The following COL14A1 variants were observed in gnomAD, a reference collection of about 807,000 sequenced individuals.
COL14A1 encodes the protein collagen alpha-1(XIV) chain.
Under a neutral mutation model 230.3 loss-of-function variants are expected in COL14A1, and 136 were observed. The observed-to-expected ratio is 0.59, with a 90% CI of 0.51 to 0.68. COL14A1 has a LOEUF of 0.68. Among genes scored for constraint, COL14A1 ranks in the 30% least tolerant of loss-of-function variants. The probability of loss-of-function intolerance (pLI) is 0.00; values close to 1 mark genes in which losing one functional copy is unlikely to be tolerated. For synonymous variants in COL14A1, 792 were observed against 784.1 expected (o/e 1.01, Z -0.17); for missense variants, 1,976 against 2,215.8 (o/e 0.89, Z 2.17).
At position 120,156,709 on chromosome 8, in the gene COL14A1, T is replaced by C. The variant is rs552543768; in HGVS notation, c.89-1421T>C. On this transcript the variant is annotated intron_variant, in intron 2 of 47. Transcript: ENST00000297848. ...TTATTGACTCCCTATTATAATGCAT[T>C]ATATTCATGATATCCATTATCCTAT... Among the ~76,000 whole-genome samples the C allele has an allele frequency of 2.0e-5, 3 of 152,318 alleles. No homozygotes were observed. In the South Asian group the frequency reaches 6.2e-4, roughly 32 times the overall value.
chr8:120,192,031 T>C (rs925272285), intron 5 of COL14A1, among the ~76,000 whole-genome samples: 11 of 151,640 alleles, frequency 7.3e-5, no homozygotes, highest in African/African-American at 2.7e-4. Flanking sequence ...AATTGGAGCA[T>C]TTAGTCCATT....
At chr8:120,245,144 C>T (rs1190531129) in intron 20 of COL14A1, among the ~76,000 whole-genome samples, 1 of 152,226 alleles carries the variant, frequency 6.6e-6, no homozygotes. Context: ...CTCAATGTCA[C>T]CTCCTCAGCC....
rs35415380 is a variant in COL14A1, at chr8:120,332,801, T to C, written c.4785+66T>C. The C allele has an allele frequency of 9.2e-3, 11,653 of 1,270,254 alleles. 96 individuals carry two copies. Among genetic ancestry groups the C allele is most frequent in the Non-Finnish European group, 9.6e-3 (8,609 of 896,200 alleles). 78.7% of individuals were successfully genotyped at this position (1,270,254 alleles called of 1,614,324 possible). ...CATCACGTTTATTTATGTGTTTAAA[T>C]TTACCAGCCTTTCTGTTAGTCAGAA... On this transcript the variant is annotated intron_variant, in intron 42 of 47. Transcript: ENST00000297848.
intron 45 of COL14A1, 129 bp from the exon 46 acceptor site, chr8:120,367,042 C>T (rs994472390): frequency 1.3e-5 from 8 of 628,692 alleles, no homozygotes; most frequent in Middle Eastern, 4.3e-4. Flanking sequence ...TCCCATGGTA[C>T]TCATAACCCC....
intron 1 of COL14A1, among the ~76,000 whole-genome samples, chr8:120,137,878 G>A (rs1377095814): frequency 6.6e-6 from 1 of 151,864 alleles, no homozygotes; most frequent in South Asian, 2.1e-4. Context: ...AAAATGCTGG[G>A]ATTATGGGTG....
intron 30 of COL14A1, 50 bp from the exon 31 acceptor site, chr8:120,280,871 G>C (rs773262193): frequency 9.5e-6 from 14 of 1,472,476 alleles, no homozygotes; most frequent in Non-Finnish European, 1.3e-5. Context: ...AAATTCTAAA[G>C]TGCCATATTC....
At chr8:120,182,385 A>G (rs2130644844) in intron 5 of COL14A1, among the ~76,000 whole-genome samples, 1 of 152,268 alleles carries the variant, frequency 6.6e-6, no homozygotes, top group Non-Finnish European at 1.5e-5. Flanking sequence ...CTGTTGTCAA[A>G]TTAAGCGATG....
intron 5 of COL14A1, among the ~76,000 whole-genome samples, chr8:120,188,783 A>G (rs1031336750): frequency 6.6e-6 from 1 of 152,246 alleles, no homozygotes; most frequent in African/African-American, 2.4e-5. Context: ...TATTTTACAA[A>G]TTAATTTGGA....
Position 120,300,760 on chromosome 8 carries a change from C to G in COL14A1, c.4343C>G (p.Pro1448Arg), listed in dbSNP as rs1244982131. The G allele has an allele frequency of 1.2e-6, 2 of 1,613,564 alleles. No individual in the cohort carries two copies. Among genetic ancestry groups the G allele is most frequent in the East Asian group, 2.2e-5 (1 of 44,870 alleles). The change falls in exon 36 of 48, where the codon CCC becomes CGC. Residue 1448 changes from proline (P) to arginine (R), a missense_variant. Around this residue, in one of 3 missense-constraint regions of COL14A1, gnomAD observed 1,791 missense variants for 2,019.5 expected, o/e 0.89. Transcript: ENST00000297848. ...LRDDESCPDL[P>R]HSCSCSETNE... ...GATGATGAGTCTTGCCCAGACCTTC[C>G]CCATTCCTGCTCCTGTTCTGAAACC... is the stretch of plus-strand genomic sequence containing the variant.
chr8:120,190,564 C>T (rs1021218016), intron 5 of COL14A1, among the ~76,000 whole-genome samples: 8 of 152,118 alleles, frequency 5.3e-5, no homozygotes, highest in African/African-American at 1.9e-4. Flanking sequence ...CTTGCCCATG[C>T]CTGTGTCCTG....
intron 21 of COL14A1, among the ~76,000 whole-genome samples, chr8:120,248,774 G>C (rs1818838508): frequency 6.6e-6 from 1 of 152,024 alleles, no homozygotes; most frequent in African/African-American, 2.4e-5. Context: ...AAAATTGCCT[G>C]AGCCAGATAA....
chr8:120,278,912 G>A (rs10092516), intron 28 of COL14A1, among the ~76,000 whole-genome samples: 94,433 of 151,294 alleles, frequency 0.62, 29,843 homozygotes, highest in African/African-American at 0.73. Flanking sequence ...AATGTCCATC[G>A]ATGACAGACT....
intron 3 of COL14A1, 117 bp from the exon 4 acceptor site, chr8:120,162,309 C>T (rs1387116633): frequency 2.7e-6 from 2 of 737,710 alleles, no homozygotes; most frequent in East Asian, 2.9e-5. Flanking sequence ...TACAATAAAA[C>T]ACATTTCAAA....
chr8:120,344,683 C>T (rs1563393), intron 44 of COL14A1, among the ~76,000 whole-genome samples: 81,383 of 152,134 alleles, frequency 0.53, 23,276 homozygotes, highest in African/African-American at 0.76. Context: ...GGATAAATAA[C>T]AGTAAACTAG....
At chr8:120,288,461 A>G (rs1820275744) in intron 33 of COL14A1, among the ~76,000 whole-genome samples, 2 of 152,134 alleles carry the variant, frequency 1.3e-5, no homozygotes, top group Admixed American at 1.3e-4. Flanking sequence ...TAAAAGTAAC[A>G]CTATCTTAAT....
At chr8:120,180,281 A>G (rs1262193467) in intron 5 of COL14A1, among the ~76,000 whole-genome samples, 4 of 152,196 alleles carry the variant, frequency 2.6e-5, no homozygotes, top group Admixed American at 2.6e-4. Context: ...AATTCCCACC[A>G]TTTATTTATT....
At chr8:120,366,580 G>A (rs2130387348) in intron 45 of COL14A1, among the ~76,000 whole-genome samples, 1 of 152,330 alleles carries the variant, frequency 6.6e-6, no homozygotes, top group East Asian at 1.9e-4. Context: ...AAAATGTATA[G>A]TTTGTTAATA....
intron 1 of COL14A1, among the ~76,000 whole-genome samples, chr8:120,136,311 C>T (rs924912678): frequency 6.6e-6 from 1 of 151,780 alleles, no homozygotes; most frequent in Non-Finnish European, 1.5e-5. Flanking sequence ...TCTTTAAAAT[C>T]CTGAATGTGT....
intron 45 of COL14A1, among the ~76,000 whole-genome samples, chr8:120,364,800 C>G (rs575729175): frequency 1.3e-5 from 2 of 151,296 alleles, no homozygotes; most frequent in East Asian, 3.9e-4. Context: ...GGAGAATCGC[C>G]TGAACCCAGG....
Sources: allele counts gnomAD v4.1 joint callset (sites outside exome capture counted in the v4.1 genomes callset), GRCh38; gene constraint gnomAD v4.1.1; regional missense constraint gnomAD v4.1.1; transcripts MANE v1.5; gene names NCBI Gene and HGNC (gene_info 2026-07-23, HGNC 2026-07-21).